The following NCAM2 variants were observed in gnomAD, a reference collection of about 807,000 sequenced individuals.
NCAM2 encodes neural cell adhesion molecule 2, also known as N-CAM-2.
NCAM2 carries 30 observed loss-of-function variants against 98.1 expected under a neutral mutation model. The observed-to-expected ratio is 0.31, with a 90% CI of 0.23 to 0.41. The LOEUF (loss-of-function observed/expected upper bound fraction) is 0.41. Among genes scored for constraint, NCAM2 ranks in the 10% least tolerant of loss-of-function variants. The probability of loss-of-function intolerance (pLI) is 1.00; values close to 1 mark genes in which losing one functional copy is unlikely to be tolerated. For synonymous variants in NCAM2, 368 were observed against 342.4 expected, an observed-to-expected ratio of 1.07 and a Z score of -0.83; for missense variants, 867 against 1,005.8, an observed-to-expected ratio of 0.86 and a Z score of 1.87.
intron 16 of NCAM2, among the ~76,000 whole-genome samples, chr21:21,518,134 C>T (rs1988814832): frequency 6.6e-6 from 1 of 152,116 alleles, no homozygotes; most frequent in Non-Finnish European, 1.5e-5. Context: ...ATAATTTATG[C>T]ATCAGGGTTA....
rs149812185 is a variant in NCAM2, at chr21:21,445,824, A to C, written c.1654+13543A>C. ...TAATTGGGGCATTTAGTCTGTTTAC[A>C]TTTAAGGTTAGTATTGTTATGTGTG... On this transcript the variant is annotated intron_variant, in intron 12 of 17. Coordinates refer to ENST00000400546, the MANE Select transcript of NCAM2 (RefSeq NM_004540.5). Among the ~76,000 whole-genome samples the C allele has an allele frequency of 3.0e-3, 451 of 152,174 alleles. 3 individuals are homozygous for C. Among genetic ancestry groups the C allele is most frequent in the African/African-American group, 0.01 (434 of 41,534 alleles).
intron 1 of NCAM2, among the ~76,000 whole-genome samples, chr21:21,033,869 C>G (rs182923584): frequency 6.6e-6 from 1 of 151,990 alleles, no homozygotes; most frequent in Non-Finnish European, 1.5e-5. Context: ...CTGAACTATC[C>G]CCATCTGCAG....
At chr21:21,523,851 A>G (rs1038648182) in intron 16 of NCAM2, among the ~76,000 whole-genome samples, 6 of 152,086 alleles carry the variant, frequency 3.9e-5, no homozygotes, top group African/African-American at 1.4e-4. Context: ...CCAAAGACAG[A>G]AAAATAGTGA....
chr21:21,359,559 T>TA (rs1245628310), intron 8 of NCAM2, among the ~76,000 whole-genome samples: 3 of 151,962 alleles, frequency 2.0e-5, no homozygotes, highest in Non-Finnish European at 4.4e-5. Flanking sequence ...ACCTTTCACT[T>TA]AAAAAAACTG....
At chr21:21,237,830 G>C (rs570021844) in intron 1 of NCAM2, among the ~76,000 whole-genome samples, 2 of 151,094 alleles carry the variant, frequency 1.3e-5, no homozygotes, top group African/African-American at 4.9e-5. Flanking sequence ...CTCATATTTA[G>C]CATTACTTGG....
At chr21:21,438,260 T>G (rs555273853) in intron 12 of NCAM2, among the ~76,000 whole-genome samples, 5 of 152,308 alleles carry the variant, frequency 3.3e-5, no homozygotes, top group Admixed American at 2.6e-4. Context: ...CCAGAAGTAA[T>G]TATCAGCTCT....
intron 1 of NCAM2, among the ~76,000 whole-genome samples, chr21:21,272,984 T>TAC (rs60333494): frequency 6.8e-4 from 97 of 143,260 alleles, no homozygotes; most frequent in East Asian, 2.9e-3. Flanking sequence ...TTCACACACA[T>TAC]ACACACACAC....
intron 8 of NCAM2, among the ~76,000 whole-genome samples, chr21:21,344,070 G>A (rs761066988): frequency 9.9e-5 from 15 of 152,182 alleles, no homozygotes; most frequent in South Asian, 2.1e-4. Flanking sequence ...TAGGGCAACT[G>A]TTAGAGTTGT....
intron 1 of NCAM2, among the ~76,000 whole-genome samples, chr21:21,218,569 A>T (rs1300778879): frequency 6.6e-6 from 1 of 152,206 alleles, no homozygotes; most frequent in African/African-American, 2.4e-5. Context: ...AGGTGGGTCC[A>T]GTGTAACCCC....
At chr21:21,243,668 T>C (rs1351427199) in intron 1 of NCAM2, among the ~76,000 whole-genome samples, 1 of 152,116 alleles carries the variant, frequency 6.6e-6, no homozygotes, top group African/African-American at 2.4e-5. Flanking sequence ...ACTATTCCTC[T>C]AAAAAGAAGT....
At chr21:21,037,172 G>C (rs1010816304) in intron 1 of NCAM2, among the ~76,000 whole-genome samples, 3 of 152,106 alleles carry the variant, frequency 2.0e-5, no homozygotes, top group Non-Finnish European at 4.4e-5. Flanking sequence ...GGAACTACAG[G>C]CCTGCGCCAC....
At position 21,181,179 on chromosome 21, in the gene NCAM2, A is replaced by C. The variant is rs765348250; in HGVS notation, c.56-99399A>C. Among the ~76,000 whole-genome samples the C allele has an allele frequency of 9.0e-4, 137 of 152,094 alleles. 1 individual carries two copies. Among genetic ancestry groups the C allele is most frequent in the Admixed American group, 7.9e-4 (12 of 15,252 alleles). ...GCCTAGATATTTTTCCATTGTCTTG[A>C]GATTTGCTGAAATAAGGGAATATGG... On this transcript the variant is annotated intron_variant, in intron 1 of 17. Transcript: ENST00000400546.
intron 5 of NCAM2, among the ~76,000 whole-genome samples, chr21:21,294,097 TG>T (rs1279756759): frequency 6.6e-6 from 1 of 151,688 alleles, no homozygotes; most frequent in Non-Finnish European, 1.5e-5. Flanking sequence ...AAAGTAATTG[TG>T]GTGTTTATCA....
chr21:21,460,350 A>T (rs1332181295), intron 12 of NCAM2, among the ~76,000 whole-genome samples: 1 of 151,956 alleles, frequency 6.6e-6, no homozygotes, highest in Non-Finnish European at 1.5e-5. Flanking sequence ...CTTAGTGGCT[A>T]GTTCATCTTT....
At chr21:21,511,995 T>C (rs1165821684) in intron 16 of NCAM2, among the ~76,000 whole-genome samples, 1 of 152,008 alleles carries the variant, frequency 6.6e-6, no homozygotes, top group Admixed American at 6.6e-5. Context: ...TACTGGTTAT[T>C]AACTCCTTGT....
chr21:21,476,271 T>A (rs1478734888), intron 14 of NCAM2, among the ~76,000 whole-genome samples: 3 of 152,088 alleles, frequency 2.0e-5, no homozygotes, highest in African/African-American at 7.2e-5. Context: ...GATACATGAT[T>A]TCAGAGAAAA....
At chr21:21,019,208 C>T (rs1263932852) in intron 1 of NCAM2, among the ~76,000 whole-genome samples, 1 of 152,194 alleles carries the variant, frequency 6.6e-6, no homozygotes, top group East Asian at 1.9e-4. Flanking sequence ...CTGTTCCATG[C>T]TCAGTGAAGC....
chr21:21,477,598 A>G (rs2146262491), intron 15 of NCAM2, 127 bp downstream of exon 15: 4 of 768,096 alleles, frequency 5.2e-6, no homozygotes, highest in Non-Finnish European at 7.8e-6. Flanking sequence ...TCTAATTATT[A>G]TTGTGACATA....
At chr21:21,062,203 A>G (rs952939464) in intron 1 of NCAM2, among the ~76,000 whole-genome samples, 5 of 152,236 alleles carry the variant, frequency 3.3e-5, no homozygotes, top group Non-Finnish European at 7.3e-5. Context: ...ATACGTAAGT[A>G]TAAACAAAGT....
Sources: allele counts gnomAD v4.1 joint callset (sites outside exome capture counted in the v4.1 genomes callset), GRCh38; gene constraint gnomAD v4.1.1; transcripts MANE v1.5; gene names NCBI Gene and HGNC (gene_info 2026-07-23, HGNC 2026-07-21).